Variants in NTM observed in about 807,000 individuals in gnomAD.
NTM encodes neurotrimin.
In NTM, 13 loss-of-function variants were observed where a neutral mutation model predicts 42.1. That is an observed-to-expected ratio of 0.31 (90% CI 0.20 to 0.49). The LOEUF (loss-of-function observed/expected upper bound fraction) is 0.49. NTM is among the 20% of genes least tolerant of loss of function. NTM has a pLI of 0.99. For missense variants in NTM, 373 were observed against 452.8 expected (o/e 0.82, Z 1.60); for synonymous variants, 187 against 179.2 (o/e 1.04, Z -0.35).
At chr11:131,486,311 C>A (rs547192857) in intron 1 of NTM, among the ~76,000 whole-genome samples, 26 of 152,142 alleles carry the variant, frequency 1.7e-4, no homozygotes, top group Non-Finnish European at 3.1e-4. Context: ...GCACTGAAGT[C>A]CCAGTTCCAG....
intron 1 of NTM, among the ~76,000 whole-genome samples, chr11:131,483,993 C>G (rs900818951): frequency 6.6e-6 from 1 of 152,204 alleles, no homozygotes; most frequent in African/African-American, 2.4e-5. Flanking sequence ...ACTGGCTGAA[C>G]ACAAACATCT....
At chr11:132,088,393 T>G (rs2059995381) in intron 2 of NTM, among the ~76,000 whole-genome samples, 1 of 152,136 alleles carries the variant, frequency 6.6e-6, no homozygotes, top group African/African-American at 2.4e-5. Flanking sequence ...GATGCAGGAT[T>G]TTTTCTCCTT....
intron 7 of NTM, among the ~76,000 whole-genome samples, chr11:132,328,469 T>G (rs1316002476): frequency 1.3e-5 from 2 of 150,708 alleles, no homozygotes; most frequent in African/African-American, 5.0e-5. Context: ...ATGGAATAAT[T>G]AAGCTGAGGT....
At chr11:131,454,450 G>C (rs148253776) in intron 1 of NTM, among the ~76,000 whole-genome samples, 8 of 152,066 alleles carry the variant, frequency 5.3e-5, no homozygotes, top group Non-Finnish European at 8.8e-5. Flanking sequence ...GAAAGGCCAC[G>C]TGTGGCAATG....
chr11:132,108,914 C>T (rs1223694117), intron 2 of NTM, among the ~76,000 whole-genome samples: 3 of 152,056 alleles, frequency 2.0e-5, no homozygotes, highest in Non-Finnish European at 4.4e-5. Context: ...TCCATGTGTT[C>T]TCATTGTTCA....
intron 1 of NTM, among the ~76,000 whole-genome samples, chr11:131,746,943 T>G (rs1488536813): frequency 6.6e-6 from 1 of 152,216 alleles, no homozygotes; most frequent in African/African-American, 2.4e-5. Context: ...TTACTTAATC[T>G]TAGAAACTCA....
At chr11:131,818,128 C>T (rs868672435) in intron 1 of NTM, among the ~76,000 whole-genome samples, 1 of 152,142 alleles carries the variant, frequency 6.6e-6, no homozygotes, top group Non-Finnish European at 1.5e-5. Flanking sequence ...AAATCTCCCT[C>T]CTTGCTTCAG....
intron 1 of NTM, among the ~76,000 whole-genome samples, chr11:131,560,602 T>G (rs935995401): frequency 3.9e-5 from 6 of 152,184 alleles, no homozygotes; most frequent in Admixed American, 1.3e-4. Context: ...CTTCCTCCTT[T>G]CTTCCAGTCA....
chr11:131,966,311 A>G (rs562812551), intron 2 of NTM, among the ~76,000 whole-genome samples: 2 of 152,326 alleles, frequency 1.3e-5, no homozygotes, highest in African/African-American at 4.8e-5. Context: ...AGCCTAGGAT[A>G]CATCAGTGAA....
intron 1 of NTM, among the ~76,000 whole-genome samples, chr11:131,509,186 G>T (rs553079890): frequency 6.6e-6 from 1 of 152,180 alleles, no homozygotes; most frequent in East Asian, 1.9e-4. Context: ...CCTCCTCAAG[G>T]TCACACTACC....
At chr11:131,910,824 G>T (rs1592764157) in intron 1 of NTM, 4 of 984,600 alleles carry the variant, frequency 4.1e-6, no homozygotes, top group Non-Finnish European at 4.8e-6. Flanking sequence ...AGCGGCGGCC[G>T]CAGCGCGCAT....
chr11:132,118,596 T>C (rs1459297598), intron 2 of NTM, among the ~76,000 whole-genome samples: 2 of 152,202 alleles, frequency 1.3e-5, no homozygotes, highest in Non-Finnish European at 2.9e-5. Context: ...TATCTGCTCT[T>C]ATTTCACCAT....
intron 1 of NTM, among the ~76,000 whole-genome samples, chr11:131,443,762 CCTT>C (rs1949804703): frequency 6.6e-6 from 1 of 152,138 alleles, no homozygotes; most frequent in Non-Finnish European, 1.5e-5. Flanking sequence ...CTTTATCTGT[CCTT>C]CTTGAATCAC....
At chr11:131,653,379 G>T (rs952308280) in intron 1 of NTM, among the ~76,000 whole-genome samples, 2 of 152,218 alleles carry the variant, frequency 1.3e-5, no homozygotes, top group Non-Finnish European at 2.9e-5. Flanking sequence ...GGAGGGCCCT[G>T]GGGGAGGGGA....
chr11:131,854,351 G>A (rs1397457263), intron 1 of NTM, among the ~76,000 whole-genome samples: 1 of 152,160 alleles, frequency 6.6e-6, no homozygotes, highest in African/African-American at 2.4e-5. Flanking sequence ...TTTTTAAAAA[G>A]GAAAACTTCT....
intron 1 of NTM, among the ~76,000 whole-genome samples, chr11:131,865,599 C>T (rs1223154217): frequency 1.3e-5 from 2 of 152,150 alleles, no homozygotes; most frequent in Non-Finnish European, 2.9e-5. Flanking sequence ...CCTAGTGGGG[C>T]AGGCTCCCTG....
intron 2 of NTM, among the ~76,000 whole-genome samples, chr11:131,934,250 T>C (rs753643147): frequency 1.3e-5 from 2 of 152,192 alleles, no homozygotes; most frequent in African/African-American, 2.4e-5. Context: ...TGGTAACCCA[T>C]TGAGAACGTT....
At chr11:131,721,996 C>CAA (rs71475771) in intron 1 of NTM, among the ~76,000 whole-genome samples, 661 of 10,210 alleles carry the variant, frequency 0.065, 53 homozygotes, top group Non-Finnish European at 0.081. Flanking sequence ...AACTCTGTCT[C>CAA]AAAAAAAAAA....
At chr11:132,293,393 C>T (rs2094514744) in intron 4 of NTM, among the ~76,000 whole-genome samples, 1 of 152,166 alleles carries the variant, frequency 6.6e-6, no homozygotes, top group Admixed American at 6.5e-5. Context: ...ATGTCCCCGC[C>T]TGAGTATGAG....
Sources: allele counts gnomAD v4.1 joint callset (sites outside exome capture counted in the v4.1 genomes callset), GRCh38; gene constraint gnomAD v4.1.1; transcripts MANE v1.5; gene names NCBI Gene and HGNC (gene_info 2026-07-23, HGNC 2026-07-21).